The following HIBCH variants were observed in gnomAD, a reference collection of about 807,000 sequenced individuals.
The protein encoded by HIBCH is 3-hydroxyisobutyryl-CoA hydrolase, mitochondrial.
In HIBCH, 50 loss-of-function variants were observed where a neutral mutation model predicts 58.2. The observed-to-expected ratio is 0.86, with a 90% CI of 0.68 to 1.09. The LOEUF (loss-of-function observed/expected upper bound fraction) is 1.09, where lower values mean the gene tolerates loss of function less well. HIBCH is among the 50% of genes least tolerant of loss of function. The pLI, the probability that HIBCH is intolerant of heterozygous loss-of-function variation, is 0.00. For missense variants in HIBCH, 450 were observed against 449.7 expected, an observed-to-expected ratio of 1.00 and a Z score of -0.01; for synonymous variants, 151 against 146.9, an observed-to-expected ratio of 1.03 and a Z score of -0.20.
chr2:190,200,707 A>T (rs1285331106), downstream of HIBCH: 1 of 169,466 alleles, frequency 5.9e-6, no homozygotes, highest in East Asian at 1.9e-4. Flanking sequence ...AAGTGTAACT[A>T]CCACCTTGGA....
chr2:190,316,584 G>A, intron 1 of HIBCH, among the ~76,000 whole-genome samples: 1 of 152,122 alleles, frequency 6.6e-6, no homozygotes, highest in East Asian at 1.9e-4. Flanking sequence ...GAAACCCTGG[G>A]TCTATATTCT....
chr2:190,214,881 C>G lies in HIBCH; in HGVS notation c.892-1806G>C, dbSNP rs1254765664. ...AGCTAAACCCAGTGCTCCCTTAAATCCTTATCCAAACTTGAGGAAAGAATT... is the reference window on the plus strand; with the variant it reads ...AGCTAAACCCAGTGCTCCCTTAAATGCTTATCCAAACTTGAGGAAAGAATT... On this transcript the variant is annotated intron_variant, in intron 11 of 13. Coordinates refer to ENST00000359678, the MANE Select transcript of HIBCH (RefSeq NM_014362.4). The surrounding 1 kb of genome is among the most constrained non-coding windows in gnomAD (Gnocchi z 5.5). The G allele has an allele frequency of 6.6e-6, 1 of 152,166 alleles. No individual in the cohort carries two copies. Among genetic ancestry groups the G allele is most frequent in the Non-Finnish European group, 1.5e-5 (1 of 68,042 alleles). The allele number at this position is 152,166 out of a possible 1,614,324, so 9.4% of individuals were successfully genotyped here.
intron 1 of HIBCH, among the ~76,000 whole-genome samples, chr2:190,312,994 G>A (rs1429492911): frequency 1.3e-5 from 2 of 152,228 alleles, no homozygotes; most frequent in African/African-American, 4.8e-5. Flanking sequence ...AGCTACTCAG[G>A]AGGCTGAGGC....
Position 190,281,949 on chromosome 2 carries a change from G to A in HIBCH, c.438+5637C>T, listed in dbSNP as rs867738074. On this transcript the variant is annotated intron_variant, in intron 6 of 13. Transcript: ENST00000359678. The surrounding 1 kb of genome is among the most constrained non-coding windows in gnomAD (Gnocchi z 5.4). ...AATATCTTGTTCCTCATTTTCATCC[G>A]GGTCCTCATCAAAATGGCCATTACT... Among the ~76,000 whole-genome samples the A allele has an allele frequency of 1.3e-5, 2 of 152,026 alleles. No homozygotes were observed. Among genetic ancestry groups the A allele is most frequent in the African/African-American group, 2.4e-5 (1 of 41,380 alleles).
At chr2:190,228,724 T>C (rs1324231016) in intron 11 of HIBCH, among the ~76,000 whole-genome samples, 9 of 152,312 alleles carry the variant, frequency 5.9e-5, no homozygotes, top group Admixed American at 3.9e-4. Context: ...CCCATTTATC[T>C]GACCCTTTAA....
At chr2:190,228,563 G>A (rs908325233) in intron 11 of HIBCH, among the ~76,000 whole-genome samples, 2 of 151,814 alleles carry the variant, frequency 1.3e-5, no homozygotes, top group South Asian at 4.2e-4. Context: ...AAAAAAGAGA[G>A]AGAGAGAACA....
chr2:190,294,969 C>T lies in HIBCH; in HGVS notation c.220-339G>A, dbSNP rs1033360741. ...GCATAATAATAATATGTTACATAAA[C>T]GTATAAATTTGGAGAACAAATCAAC... On this transcript the variant is annotated intron_variant, in intron 3 of 13. Coordinates refer to ENST00000359678, the MANE Select transcript of HIBCH (RefSeq NM_014362.4). Among the ~76,000 whole-genome samples, 17 of 152,114 alleles carry T rather than the reference C, an allele frequency of 1.1e-4. No individual in the cohort carries two copies. The East Asian group carries it at 1.2e-3, about 10-fold the overall frequency.
chr2:190,195,568 G>A (rs574156738), intron 1 of HIBCH, among the ~76,000 whole-genome samples: 1 of 152,284 alleles, frequency 6.6e-6, no homozygotes, highest in African/African-American at 2.4e-5. Flanking sequence ...ACTTCCGTGA[G>A]GTGTCTGTCC....
chr2:190,311,092 C>T (rs753415350), intron 1 of HIBCH: 41 of 537,390 alleles, frequency 7.6e-5, no homozygotes, highest in Admixed American at 1.1e-4. Flanking sequence ...TATTATTCAG[C>T]CATGAAAAAA....
chr2:190,287,528 T>C, intron 6 of HIBCH, 58 bp downstream of exon 6: 3 of 1,083,252 alleles, frequency 2.8e-6, no homozygotes, highest in Non-Finnish European at 4.3e-6. Flanking sequence ...TTAATAATTA[T>C]TAACTTATTT....
At chr2:190,260,774 G>A (rs1687065147) in intron 7 of HIBCH, among the ~76,000 whole-genome samples, 1 of 151,912 alleles carries the variant, frequency 6.6e-6, no homozygotes, top group South Asian at 2.1e-4. Context: ...AATAAACTTT[G>A]ACTTATATAG....
chr2:190,217,351 A>G lies in HIBCH; in HGVS notation c.892-4276T>C, dbSNP rs559802325. ...CTACAAAAATCAGCTGGGTGTGGTG[A>G]CACATGCCTGTAATCCCAGCTACTT... is the stretch of plus-strand genomic sequence containing the variant. On this transcript the variant is annotated intron_variant, in intron 11 of 13. Coordinates refer to ENST00000359678, the MANE Select transcript of HIBCH (RefSeq NM_014362.4). The surrounding 1 kb of genome is among the most constrained non-coding windows in gnomAD (Gnocchi z 4.6). 3.2e-4 allele frequency among the ~76,000 whole-genome samples: 48 copies of G among 152,252 alleles called. 1 individual carries two copies. The highest frequency in any genetic ancestry group is 2.9e-4 in the Non-Finnish European group (20 of 68,002).
In HIBCH at chr2:190,315,228, G is replaced by C. The variant is rs928764381; in HGVS notation, c.36-4432C>G. Among the ~76,000 whole-genome samples, 2 of 152,286 alleles carry C rather than the reference G, an allele frequency of 1.3e-5. No individual in the cohort carries two copies. The highest frequency in any genetic ancestry group is 3.4e-3 in the Middle Eastern group (1 of 294). On this transcript the variant is annotated intron_variant, in intron 1 of 13. Transcript: ENST00000359678. This position sits in a 1 kb window ranked among gnomAD's most constrained non-coding sequence, Gnocchi z 5.4. ...AGCCTCCCAAAGTGCTGAAATTACA[G>C]GCATGAGCCACTGTGCCCGGCCTGC...
rs1686518189 is a variant in HIBCH at position 190,243,720 on chromosome 2, C to G, written c.891+1167G>C. 6.6e-6 allele frequency among the ~76,000 whole-genome samples: 1 copy of G among 152,178 alleles called. No homozygotes were observed. ...TGGTGGCTCACACCTGTAATCCCAGCACTTTGGGAAGCTGAGGTGGGTGAA... is the reference window on the plus strand; with the variant it reads ...TGGTGGCTCACACCTGTAATCCCAGGACTTTGGGAAGCTGAGGTGGGTGAA... On this transcript the variant is annotated intron_variant, in intron 11 of 13. Coordinates refer to ENST00000359678, the MANE Select transcript of HIBCH (RefSeq NM_014362.4). This position sits in a 1 kb window ranked among gnomAD's most constrained non-coding sequence, Gnocchi z 4.1.
intron 7 of HIBCH, among the ~76,000 whole-genome samples, chr2:190,252,701 C>T (rs528315188): frequency 3.9e-5 from 6 of 152,056 alleles, no homozygotes; most frequent in Non-Finnish European, 8.8e-5. Context: ...AACCTATGGC[C>T]TATTATAGCA....
At chr2:190,194,068 CA>C (rs1689847893) in intron 1 of HIBCH, among the ~76,000 whole-genome samples, 1 of 151,782 alleles carries the variant, frequency 6.6e-6, no homozygotes, top group Non-Finnish European at 1.5e-5. Context: ...GTTTAGTTTC[CA>C]AATATATGAG....
intron 7 of HIBCH, among the ~76,000 whole-genome samples, chr2:190,252,604 C>T (rs916160459): frequency 4.6e-5 from 7 of 151,868 alleles, no homozygotes; most frequent in African/African-American, 1.7e-4. Context: ...ATTTTCTTAC[C>T]ACTGATCTAC....
At chr2:190,289,033 C>T (rs1687900131) in intron 5 of HIBCH, among the ~76,000 whole-genome samples, 1 of 152,130 alleles carries the variant, frequency 6.6e-6, no homozygotes, top group Admixed American at 6.5e-5. Context: ...ATCACTTGAA[C>T]CTGGGAGACA....
At chr2:190,230,756 T>C (rs1559022977) in intron 11 of HIBCH, among the ~76,000 whole-genome samples, 1 of 152,228 alleles carries the variant, frequency 6.6e-6, no homozygotes. Flanking sequence ...CAGTCCCAGA[T>C]GGCTTTACTA....
Sources: allele counts gnomAD v4.1 joint callset (sites outside exome capture counted in the v4.1 genomes callset), GRCh38; gene constraint gnomAD v4.1.1; non-coding constraint Gnocchi (gnomAD v3.1); transcripts MANE v1.5; gene names NCBI Gene and HGNC (gene_info 2026-07-23, HGNC 2026-07-21).